The following TRPC4 variants were observed in gnomAD, a reference collection of about 807,000 sequenced individuals.
TRPC4 encodes short transient receptor potential channel 4.
A neutral mutation model predicts 99.4 loss-of-function variants in TRPC4; 49 were observed. That is an observed-to-expected ratio of 0.49 (90% CI 0.39 to 0.63). The LOEUF (loss-of-function observed/expected upper bound fraction) is 0.63, where lower values mean the gene tolerates loss of function less well. Among genes scored for constraint, TRPC4 ranks in the 20% least tolerant of loss-of-function variants. The pLI, the probability that TRPC4 is intolerant of heterozygous loss-of-function variation, is 0.00. For synonymous variants in TRPC4, 454 were observed against 425.9 expected, an observed-to-expected ratio of 1.07 and a Z score of -0.81; for missense variants, 898 against 1,152.9, an observed-to-expected ratio of 0.78 and a Z score of 3.20.
intron 1 of TRPC4, among the ~76,000 whole-genome samples, chr13:37,836,908 G>A (rs1451045391): frequency 6.6e-6 from 1 of 152,168 alleles, no homozygotes; most frequent in Non-Finnish European, 1.5e-5. Context: ...GGAAAAAGTG[G>A]TTTAATGGGC....
At chr13:37,638,962 G>A (rs1291255113) in intron 10 of TRPC4, 78 bp downstream of exon 10, 6 of 1,455,988 alleles carry the variant, frequency 4.1e-6, no homozygotes, top group African/African-American at 1.4e-5. Flanking sequence ...TGCATTTCCA[G>A]CTCTGATTTT....
At chr13:37,708,177 TTC>T (rs764224051) in intron 3 of TRPC4, among the ~76,000 whole-genome samples, 19 of 152,160 alleles carry the variant, frequency 1.2e-4, no homozygotes, top group Non-Finnish European at 1.9e-4. Flanking sequence ...AGTGCCTCTT[TTC>T]TTTTTGTAGC....
At chr13:37,768,399 GAA>G (rs1266636389) in intron 2 of TRPC4, among the ~76,000 whole-genome samples, 9 of 151,578 alleles carry the variant, frequency 5.9e-5, no homozygotes, top group African/African-American at 2.2e-4. Flanking sequence ...CCAGGCAAAA[GAA>G]AACTGTTGGA....
chr13:37,632,780 C>G lies in TRPC4; in HGVS notation c.*4123G>C, dbSNP rs1418433408. On this transcript the variant is annotated 3_prime_UTR_variant, in exon 11 of 11. Transcript: ENST00000379705. ...AAATGAACAGTGTATTTTCTGAAAA[C>G]AGTAAGAAACCAGCTTTTTAAAAAT... 6.6e-6 allele frequency among the ~76,000 whole-genome samples: 1 copy of G among 152,054 alleles called. No homozygotes were observed. The highest frequency in any genetic ancestry group is 2.4e-5 in the African/African-American group (1 of 41,426).
chr13:37,743,528 TG>T lies in TRPC4; in HGVS notation c.897+2408del, dbSNP rs1326011635. 9.2e-5 allele frequency among the ~76,000 whole-genome samples: 14 copies of T among 152,180 alleles called. No homozygotes were observed. The South Asian group carries it at 1.7e-3, about 18-fold the overall frequency. On this transcript the variant is annotated intron_variant, in intron 3 of 10. Transcript: ENST00000379705. ...CATTTTTAGTGGTTCAGGAACAAAA[TG>T]GAGAATATATATTCAATGTTTCATT...
intron 5 of TRPC4, among the ~76,000 whole-genome samples, chr13:37,667,376 G>C (rs142689109): frequency 2.6e-5 from 4 of 152,034 alleles, no homozygotes; most frequent in African/African-American, 4.8e-5. Flanking sequence ...CCGCAATCTC[G>C]GCTCACTGCA....
intron 5 of TRPC4, among the ~76,000 whole-genome samples, chr13:37,670,988 C>A (rs1331958224): frequency 6.6e-6 from 1 of 152,112 alleles, no homozygotes; most frequent in Admixed American, 6.5e-5. Flanking sequence ...CTCTTATAGA[C>A]CTTATTACAT....
intron 1 of TRPC4, among the ~76,000 whole-genome samples, chr13:37,814,704 G>A (rs1205873698): frequency 6.6e-6 from 1 of 151,660 alleles, no homozygotes; most frequent in Non-Finnish European, 1.5e-5. Context: ...TAAATGGAAT[G>A]GCATTTTGTA....
intron 3 of TRPC4, among the ~76,000 whole-genome samples, chr13:37,737,140 C>G (rs1180374355): frequency 2.0e-5 from 3 of 151,892 alleles, no homozygotes; most frequent in Admixed American, 1.3e-4. Context: ...CCTACACTTT[C>G]TGCTGCATAG....
At chr13:37,727,876 C>G (rs937867862) in intron 3 of TRPC4, among the ~76,000 whole-genome samples, 1 of 151,960 alleles carries the variant, frequency 6.6e-6, no homozygotes, top group African/African-American at 2.4e-5. Flanking sequence ...TTGGAATGGG[C>G]TGATTTTTCA....
chr13:37,783,229 G>C lies in TRPC4; in HGVS notation c.105C>G (p.Ala35=). 1.2e-6 allele frequency: 2 copies of C among 1,613,650 alleles called. No individual in the cohort carries two copies. The highest frequency in any genetic ancestry group is 1.7e-6 in the Non-Finnish European group (2 of 1,179,738). Residue 35 remains alanine (A), a synonymous_variant, in exon 2 of 11, where the codon GCC becomes GCG. Transcript: ENST00000379705. ...CTCCCTTTTCCACAGCATTCAAGTA[G>C]GCTTTTTCTGATGGCGAGAGTTCTG... ...AESELSPSEK[A]YLNAVEKGDY...
chr13:37,861,699 G>A (rs971289952), intron 1 of TRPC4, among the ~76,000 whole-genome samples: 18 of 151,560 alleles, frequency 1.2e-4, no homozygotes, highest in African/African-American at 4.1e-4. Context: ...TCAGCTCCAA[G>A]TAGCTTGCAC....
intron 3 of TRPC4, among the ~76,000 whole-genome samples, chr13:37,739,763 CA>C (rs2139126743): frequency 6.6e-6 from 1 of 152,140 alleles, no homozygotes; most frequent in Non-Finnish European, 1.5e-5. Context: ...CTCGGCCTCC[CA>C]AAGTGCTGGG....
intron 1 of TRPC4, among the ~76,000 whole-genome samples, chr13:37,840,980 A>G (rs1423782351): frequency 3.3e-5 from 5 of 152,082 alleles, no homozygotes; most frequent in Admixed American, 3.3e-4. Flanking sequence ...TGAATATAGA[A>G]TTCAACACAA....
intron 3 of TRPC4, among the ~76,000 whole-genome samples, chr13:37,721,885 C>A (rs893989737): frequency 2.0e-5 from 3 of 152,088 alleles, no homozygotes; most frequent in Admixed American, 2.0e-4. Flanking sequence ...GATCCTCCCA[C>A]CTTGGCCTCC....
rs1326670825 is a variant in TRPC4 at position 37,634,296 on chromosome 13, C to A, written c.*2607G>T. On this transcript the variant is annotated 3_prime_UTR_variant, in exon 11 of 11. Coordinates refer to ENST00000379705, the MANE Select transcript of TRPC4 (RefSeq NM_016179.4). ...TTTGACTTTTCTTATTTTATCCCTACTCCTCATCTTCATTAATGCTACATA... is the reference window on the plus strand; with the variant it reads ...TTTGACTTTTCTTATTTTATCCCTAATCCTCATCTTCATTAATGCTACATA... 6.6e-6 allele frequency among the ~76,000 whole-genome samples: 1 copy of A among 151,948 alleles called. No homozygotes were observed. The highest frequency in any genetic ancestry group is 1.5e-5 in the Non-Finnish European group (1 of 67,962).
rs73168456 is a variant in TRPC4, at chr13:37,724,461, T to C, written c.897+21476A>G. Among the ~76,000 whole-genome samples, 446 of 152,312 alleles carry C rather than the reference T, an allele frequency of 2.9e-3. 1 individual carries two copies. The highest frequency in any genetic ancestry group is 5.6e-3 in the Non-Finnish European group (384 of 68,020). On this transcript the variant is annotated intron_variant, in intron 3 of 10. Coordinates refer to ENST00000379705, the MANE Select transcript of TRPC4 (RefSeq NM_016179.4). ...TTTAAATCATTTTAATTGTGTATAT[T>C]GAGCTTGTAGTTAGGTATTCTGTAA...
chr13:37,693,828 T>A (rs928969136), intron 3 of TRPC4, among the ~76,000 whole-genome samples: 7 of 152,326 alleles, frequency 4.6e-5, no homozygotes, highest in Non-Finnish European at 5.9e-5. Flanking sequence ...GAATTAAGTT[T>A]ATAATAATGG....
rs113664124 is a variant in TRPC4, at chr13:37,726,088, C to T, written c.897+19849G>A. Among the ~76,000 whole-genome samples the T allele has an allele frequency of 7.0e-3, 1,067 of 151,814 alleles. 9 individuals are homozygous for T. Among genetic ancestry groups the T allele is most frequent in the African/African-American group, 0.024 (991 of 41,378 alleles). ...GTGGGCACCTGTTGTCCCAGCTACT[C>T]GGAAGGCTGAGGTAGGAGAATCACT... On this transcript the variant is annotated intron_variant, in intron 3 of 10. Coordinates refer to ENST00000379705, the MANE Select transcript of TRPC4 (RefSeq NM_016179.4).
Sources: allele counts gnomAD v4.1 joint callset (sites outside exome capture counted in the v4.1 genomes callset), GRCh38; gene constraint gnomAD v4.1.1; transcripts MANE v1.5; gene names NCBI Gene and HGNC (gene_info 2026-07-23, HGNC 2026-07-21).